The following PTPA variants were observed in gnomAD, a reference collection of about 807,000 sequenced individuals.
The protein encoded by PTPA is serine/threonine-protein phosphatase 2A activator.
A neutral mutation model predicts 43.6 loss-of-function variants in PTPA; 13 were observed. The observed-to-expected ratio is 0.30, with a 90% CI of 0.19 to 0.47. The LOEUF is 0.47. Among genes scored for constraint, PTPA ranks in the 20% least tolerant of loss-of-function variants. PTPA has a pLI of 0.99. For missense variants in PTPA, 329 were observed against 411.9 expected, an observed-to-expected ratio of 0.80 and a Z score of 1.74; for synonymous variants, 172 against 158.2, an observed-to-expected ratio of 1.09 and a Z score of -0.66.
chr9:129,111,367 G>T, upstream of PTPA: 1 of 1,208,160 alleles, frequency 8.3e-7, no homozygotes, highest in Non-Finnish European at 1.0e-6. Context: ...GGTTCCGCGC[G>T]TCCGCCGCGC....
intron 9 of PTPA, among the ~76,000 whole-genome samples, chr9:129,144,240 C>A (rs1276222062): frequency 6.6e-6 from 1 of 151,838 alleles, no homozygotes; most frequent in Non-Finnish European, 1.5e-5. Context: ...AGGGACTGTC[C>A]ACTCTGCACA....
intron 1 of PTPA, among the ~76,000 whole-genome samples, chr9:129,117,506 C>T (rs1266344169): frequency 1.3e-5 from 2 of 151,600 alleles, no homozygotes; most frequent in African/African-American, 2.4e-5. Flanking sequence ...TGGGTTCAAG[C>T]GGTTCTTCTG....
At chr9:129,126,545 A>C (rs1849593334) in intron 3 of PTPA, among the ~76,000 whole-genome samples, 1 of 152,162 alleles carries the variant, frequency 6.6e-6, no homozygotes, top group African/African-American at 2.4e-5. Flanking sequence ...CGATTTTTGC[A>C]AAATAAATGT....
chr9:129,113,193 A>G (rs1848657086), intron 1 of PTPA, among the ~76,000 whole-genome samples: 1 of 150,176 alleles, frequency 6.7e-6, no homozygotes, highest in South Asian at 2.2e-4. Flanking sequence ...TCCCGGGTTC[A>G]AGCGATTCTC....
intron 9 of PTPA, among the ~76,000 whole-genome samples, chr9:129,146,377 G>A (rs573215968): frequency 2.1e-4 from 32 of 152,296 alleles, no homozygotes; most frequent in African/African-American, 6.7e-4. Context: ...CTCCCTCTTA[G>A]GTTCCACAGC....
Position 129,147,388 on chromosome 9 carries a change from G to T in PTPA, c.896G>T (p.Cys299Phe). The T allele has an allele frequency of 6.2e-7, 1 of 1,613,906 alleles. No homozygotes were observed. Among genetic ancestry groups the T allele is most frequent in the Non-Finnish European group, 8.5e-7 (1 of 1,179,870 alleles). The change falls in exon 10 of 10, where the codon TGC (cysteine) becomes TTC (phenylalanine). Residue 299 changes from cysteine (C) to phenylalanine (F), a missense_variant and splice_region_variant. Cys to Phe is a radical substitution (Grantham distance 205). Transcript: ENST00000393370. Reference protein sequence around the residue: ...QGLIRMYKAECLEKFPVIQHF... With the variant: ...QGLIRMYKAEFLEKFPVIQHF... ...TGCTCACCTGCTCCTTCCTCACAGTGCCTGGAGAAGTTCCCTGTGATCCAG... is the reference window on the plus strand; with the variant it reads ...TGCTCACCTGCTCCTTCCTCACAGTTCCTGGAGAAGTTCCCTGTGATCCAG...
chr9:129,115,229 C>A (rs1848788574), intron 1 of PTPA, among the ~76,000 whole-genome samples: 1 of 152,202 alleles, frequency 6.6e-6, no homozygotes, highest in African/African-American at 2.4e-5. Context: ...ACTAGTCTGA[C>A]CTACAAAGCT....
Position 129,131,522 on chromosome 9 carries a change from G to A in PTPA, c.343G>A (p.Glu115Lys). The A allele has an allele frequency of 6.2e-7, 1 of 1,613,358 alleles. No individual in the cohort carries two copies. The change falls in exon 5 of 10, where the codon GAA becomes AAA. Residue 115 changes from glutamate to lysine, a missense_variant and splice_region_variant. Glu to Lys is a moderately conservative substitution (Grantham distance 56). Transcript: ENST00000393370. ...CACTTTGTGTCTCTTGTGTTACCAG[G>A]AAGCAGAAAACTTGGTGGCCACAGT... ...YRTWYAKLDE[E>K]AENLVATVVP...
In PTPA at chr9:129,135,011, C is replaced by G. The variant is rs547668884; in HGVS notation, c.560+117C>G. The stretch of plus-strand genomic sequence containing the variant: ...CTGAGTAGCTCATGGTTCTCTTGTC[C>G]TGTCCTAATCAAGCTCTGGCTGTGG... On this transcript the variant is annotated intron_variant, in intron 6 of 9. Transcript: ENST00000393370. 8 of 787,550 alleles carry G rather than the reference C, an allele frequency of 1.0e-5. No homozygotes were observed. The Admixed American group carries it at 2.2e-4, about 22-fold the overall frequency. 48.8% of individuals were successfully genotyped at this position (787,550 alleles called of 1,614,324 possible). A position where few individuals can be genotyped will look rare whatever the true frequency, so the allele number is the denominator to read the frequency against.
intron 9 of PTPA, among the ~76,000 whole-genome samples, chr9:129,144,210 T>C (rs1411132082): frequency 6.6e-6 from 1 of 150,974 alleles, no homozygotes; most frequent in Non-Finnish European, 1.5e-5. Context: ...TTGAAAATGG[T>C]GATGGTGTGG....
intron 4 of PTPA, among the ~76,000 whole-genome samples, chr9:129,130,590 A>G (rs139683878): frequency 0.011 from 1,692 of 152,108 alleles, 16 homozygotes; most frequent in African/African-American, 0.037. Flanking sequence ...ACGGGGTTTC[A>G]TCATGTTGGC....
Position 129,129,760 on chromosome 9 carries a change from C to T in PTPA, c.342+650C>T, listed in dbSNP as rs962832990. 2.0e-5 allele frequency among the ~76,000 whole-genome samples: 3 copies of T among 152,132 alleles called. No homozygotes were observed. The East Asian group carries it at 5.8e-4, about 29-fold the overall frequency. ...CTGGGATTACAGGTGTGAGCCACCA[C>T]GCTCGGCCCCAAAAAGGAATTTTTT... On this transcript the variant is annotated intron_variant, in intron 4 of 9. Transcript: ENST00000393370.
rs1239214214 is a variant in PTPA, at chr9:129,140,818, G to A, written c.787-1627G>A. The stretch of plus-strand genomic sequence containing the variant: ...GGGTAGGGTGGGGAGGTGGGGGAGG[G>A]GCTGGGGGTGGAGTGTGGTTGAGCA... On this transcript the variant is annotated intron_variant, in intron 8 of 9. Transcript: ENST00000393370. Among the ~76,000 whole-genome samples, 5 of 151,672 alleles carry A rather than the reference G, an allele frequency of 3.3e-5. 1 individual carries two copies. The highest frequency in any genetic ancestry group is 7.4e-5 in the Non-Finnish European group (5 of 67,932).
At chr9:129,142,329 C>CGTTTGTGTGTGTGT in intron 8 of PTPA, 116 bp from the exon 9 acceptor site, 1 of 887,752 alleles carries the variant, frequency 1.1e-6, no homozygotes, top group Non-Finnish European at 1.7e-6. Flanking sequence ...GCATTGTGTG[C>CGTTTGTGTGTGTGT]GTGTGCGTTT....
chr9:129,135,616 C>T (rs1850314331), intron 6 of PTPA, among the ~76,000 whole-genome samples: 2 of 152,364 alleles, frequency 1.3e-5, no homozygotes, highest in African/African-American at 4.8e-5. Flanking sequence ...CAGACTCTGA[C>T]CTGCTGCCCC....
intron 8 of PTPA, among the ~76,000 whole-genome samples, chr9:129,138,951 G>A (rs887759283): frequency 6.6e-6 from 1 of 152,220 alleles, no homozygotes; most frequent in Non-Finnish European, 1.5e-5. Flanking sequence ...CTGGCTCACT[G>A]CCTTGAAAGC....
intron 7 of PTPA, 119 bp from the exon 8 acceptor site, chr9:129,137,473 A>G (rs764014258): frequency 2.1e-5 from 14 of 676,122 alleles, no homozygotes; most frequent in Non-Finnish European, 3.4e-5. Flanking sequence ...CTTCAAGGTG[A>G]GGTGTTGAGG....
chr9:129,114,522 G>T (rs959362328), intron 1 of PTPA, among the ~76,000 whole-genome samples: 2 of 152,118 alleles, frequency 1.3e-5, no homozygotes, highest in Non-Finnish European at 2.9e-5. Context: ...TGTAGTATGT[G>T]TTTTATAAGA....
chr9:129,146,330 C>T (rs1851300078), intron 9 of PTPA, among the ~76,000 whole-genome samples: 1 of 152,212 alleles, frequency 6.6e-6, no homozygotes, highest in African/African-American at 2.4e-5. Flanking sequence ...CCCTCCCCTC[C>T]TGGCGCCTCT....
Sources: gnomAD v4.1 joint callset for allele counts (sites outside exome capture counted in the v4.1 genomes callset) on GRCh38, gnomAD v4.1.1 for gene constraint, MANE v1.5 for transcripts, NCBI Gene and HGNC (gene_info 2026-07-23, HGNC 2026-07-21) for gene names.